The following ADGRL2 variants were observed in gnomAD, a reference collection of about 807,000 sequenced individuals.
ADGRL2 encodes calcium-independent alpha-latrotoxin receptor 2.
In ADGRL2, 44 loss-of-function variants were observed where a neutral mutation model predicts 157.4. The ratio of observed to expected loss-of-function variants is 0.28; its 90% confidence interval spans 0.22 to 0.36. The LOEUF (loss-of-function observed/expected upper bound fraction) is 0.36. ADGRL2 is among the 10% of genes least tolerant of loss of function. ADGRL2 has a pLI of 1.00. For synonymous variants in ADGRL2, 585 were observed against 624.7 expected, an observed-to-expected ratio of 0.94 and a Z score of 0.95; for missense variants, 1,510 against 1,768.9, an observed-to-expected ratio of 0.85 and a Z score of 2.63.
At chr1:81,801,597 G>A (rs149371908) in intron 1 of ADGRL2, among the ~76,000 whole-genome samples, 2 of 152,308 alleles carry the variant, frequency 1.3e-5, no homozygotes, top group East Asian at 3.9e-4. Context: ...CCGAGTCTGC[G>A]CCGCCAGCCT....
intron 3 of ADGRL2, among the ~76,000 whole-genome samples, chr1:81,611,941 C>A (rs2081549980): frequency 6.6e-6 from 1 of 151,960 alleles, no homozygotes; most frequent in African/African-American, 2.4e-5. Flanking sequence ...TTCCCCCATG[C>A]TCTCTCTCTC....
intron 1 of ADGRL2, among the ~76,000 whole-genome samples, chr1:81,356,015 G>A (rs1663260279): frequency 6.6e-6 from 1 of 152,040 alleles, no homozygotes; most frequent in African/African-American, 2.4e-5. Flanking sequence ...AACAATGTTA[G>A]CTTCAGGATC....
At chr1:81,676,470 A>T (rs1186654851) in intron 3 of ADGRL2, among the ~76,000 whole-genome samples, 1 of 151,736 alleles carries the variant, frequency 6.6e-6, no homozygotes, top group Non-Finnish European at 1.5e-5. Context: ...GCAAATTTTT[A>T]AAAAATTTTT....
At chr1:81,321,707 T>C (rs1159021388) in intron 1 of ADGRL2, among the ~76,000 whole-genome samples, 2 of 151,898 alleles carry the variant, frequency 1.3e-5, no homozygotes, top group Admixed American at 6.6e-5. Context: ...TGAAGAACTA[T>C]AATAGTCACA....
upstream of ADGRL2, among the ~76,000 whole-genome samples, chr1:81,695,643 A>C (rs1285809549): frequency 1.3e-5 from 2 of 152,076 alleles, no homozygotes; most frequent in Non-Finnish European, 2.9e-5. Context: ...CAATATGGTG[A>C]AACCCCATCT....
intron 1 of ADGRL2, among the ~76,000 whole-genome samples, chr1:81,748,736 C>T (rs570029595): frequency 2.0e-4 from 31 of 151,882 alleles, no homozygotes; most frequent in Non-Finnish European, 3.7e-4. Flanking sequence ...GGCATGATCT[C>T]GGCTCAGTGC....
intron 2 of ADGRL2, among the ~76,000 whole-genome samples, chr1:81,507,923 A>T (rs574132124): frequency 6.9e-4 from 82 of 119,296 alleles, no homozygotes; most frequent in African/African-American, 4.7e-3. Context: ...CCTTATTTAA[A>T]GACAGGAAAA....
intron 2 of ADGRL2, among the ~76,000 whole-genome samples, chr1:81,866,734 A>G (rs2093553963): frequency 6.6e-6 from 1 of 152,146 alleles, no homozygotes; most frequent in South Asian, 2.1e-4. Context: ...TATCTTGCAA[A>G]ATGCAAGATA....
At chr1:81,785,734 AACG>A (rs1390012523) in intron 2 of ADGRL2, among the ~76,000 whole-genome samples, 1 of 152,018 alleles carries the variant, frequency 6.6e-6, no homozygotes, top group African/African-American at 2.4e-5. Context: ...TGTCTAAAAA[AACG>A]ACAACAAAAA....
chr1:81,948,864 C>G (rs1265051256), intron 6 of ADGRL2, among the ~76,000 whole-genome samples: 2 of 152,122 alleles, frequency 1.3e-5, no homozygotes, highest in Non-Finnish European at 2.9e-5. Flanking sequence ...GTATAGTGTA[C>G]TTACTGGTAA....
At chr1:81,624,919 C>T (rs957002543) in intron 3 of ADGRL2, among the ~76,000 whole-genome samples, 4 of 152,168 alleles carry the variant, frequency 2.6e-5, no homozygotes, top group Non-Finnish European at 4.4e-5. Context: ...CATCATTAAG[C>T]TTATACTTTG....
intron 3 of ADGRL2, among the ~76,000 whole-genome samples, chr1:81,688,053 G>A (rs139434184): frequency 0.012 from 1,860 of 152,222 alleles, 35 homozygotes; most frequent in African/African-American, 0.038. Flanking sequence ...TAATCTGATA[G>A]GTTTTCCTTT....
At chr1:81,398,687 T>A (rs1003486383) in intron 1 of ADGRL2, among the ~76,000 whole-genome samples, 1 of 152,206 alleles carries the variant, frequency 6.6e-6, no homozygotes, top group African/African-American at 2.4e-5. Context: ...GGTTTTTCTT[T>A]CCTTTTCTTC....
intron 1 of ADGRL2, among the ~76,000 whole-genome samples, chr1:81,377,546 A>G (rs1038045149): frequency 6.6e-6 from 1 of 152,096 alleles, no homozygotes; most frequent in South Asian, 2.1e-4. Flanking sequence ...CCCAGCAGCA[A>G]CGTAGAGTTA....
intron 1 of ADGRL2, among the ~76,000 whole-genome samples, chr1:81,378,306 C>G (rs2076286132): frequency 6.6e-6 from 1 of 152,232 alleles, no homozygotes; most frequent in African/African-American, 2.4e-5. Context: ...ATCCCAGATA[C>G]TCGGGAGTCT....
chr1:81,685,767 G>A (rs2083216253), intron 3 of ADGRL2, among the ~76,000 whole-genome samples: 1 of 152,130 alleles, frequency 6.6e-6, no homozygotes, highest in Admixed American at 6.5e-5. Flanking sequence ...TGTTGGCTGT[G>A]GGTTTGACAC....
At chr1:81,345,299 T>TTC (rs150121234) in intron 1 of ADGRL2, among the ~76,000 whole-genome samples, 2 of 151,342 alleles carry the variant, frequency 1.3e-5, no homozygotes, top group African/African-American at 2.4e-5. Context: ...CTAGGCTGCA[T>TTC]TCTCTCTCTC....
chr1:81,528,761 A>G lies in ADGRL2; in HGVS notation c.-247-52115A>G, dbSNP rs538924776. Among the ~76,000 whole-genome samples the G allele has an allele frequency of 2.6e-5, 4 of 152,110 alleles. No individual in the cohort carries two copies. The South Asian group carries it at 6.2e-4, about 24-fold the overall frequency. On this transcript the variant is annotated intron_variant, in intron 2 of 24. Coordinates refer to the ADGRL2 transcript ENST00000370721. ...TATAATAAAGACTCAATAAACATCT[A>G]TTGATTGCAGGATTAAAGTAAATAA... is the stretch of plus-strand genomic sequence containing the variant.
chr1:81,466,326 G>C (rs1322000257), intron 2 of ADGRL2, among the ~76,000 whole-genome samples: 2 of 152,150 alleles, frequency 1.3e-5, no homozygotes, highest in Non-Finnish European at 2.9e-5. Flanking sequence ...TCAAAGTGTA[G>C]GCTGAAGGTA....
Sources: gnomAD v4.1 joint callset for allele counts (sites outside exome capture counted in the v4.1 genomes callset) on GRCh38, gnomAD v4.1.1 for gene constraint, MANE v1.5 for transcripts, NCBI Gene and HGNC (gene_info 2026-07-23, HGNC 2026-07-21) for gene names.